Variants in ANO7 observed in about 807,000 individuals in gnomAD.
The protein encoded by ANO7 is anoctamin-7.
In ANO7, 114 loss-of-function variants were observed where a neutral mutation model predicts 115.8. That is an observed-to-expected ratio of 0.98 (90% CI 0.85 to 1.15). The LOEUF (loss-of-function observed/expected upper bound fraction) is 1.15. ANO7 is among the 50% of genes most tolerant of loss of function. The pLI, the probability that ANO7 is intolerant of heterozygous loss-of-function variation, is 0.00. For missense variants in ANO7, 1,302 were observed against 1,201.2 expected (o/e 1.08, Z -1.24); for synonymous variants, 550 against 498.2 (o/e 1.10, Z -1.38).
chr2:241,197,651 CTTTTTTTTTT>C (rs397869408), intron 4 of ANO7, among the ~76,000 whole-genome samples: 11 of 135,066 alleles, frequency 8.1e-5, no homozygotes, highest in Admixed American at 8.1e-4. Context: ...GTCACCTGCC[CTTTTTTTTTT>C]TTTTTTTTAG....
At chr2:241,219,568 C>T (rs4675821) in intron 21 of ANO7, among the ~76,000 whole-genome samples, 1,527 of 151,318 alleles carry the variant, frequency 0.01, 91 homozygotes, top group Admixed American at 0.085. Context: ...ACATTCTTTT[C>T]TTTTTTCTTT....
In ANO7 at chr2:241,199,491, C is replaced by T; in HGVS notation, c.417+68C>T. On this transcript the variant is annotated intron_variant, in intron 5 of 24. Coordinates refer to ENST00000674324, the MANE Select transcript of ANO7 (RefSeq NM_001370694.2). ...GTCCCCACACACTGCGTTCAGCTGC[C>T]AGTGCCGACAGCCTCAGGAGGGCTC... The T allele has an allele frequency of 5.3e-6, 8 of 1,509,698 alleles. No individual in the cohort carries two copies. The South Asian group carries it at 5.7e-5, about 11-fold the overall frequency. The allele number at this position is 1,509,698 out of a possible 1,614,324, so 93.5% of individuals were successfully genotyped here.
chr2:241,199,234 C>T, intron 4 of ANO7, 82 bp from the exon 5 acceptor site: 1 of 1,233,896 alleles, frequency 8.1e-7, no homozygotes, highest in Non-Finnish European at 1.2e-6. Context: ...CAGTCTTTTC[C>T]TAAGAGTGCG....
At chr2:241,212,243 C>A in intron 16 of ANO7, 38 bp downstream of exon 16, 1 of 1,543,138 alleles carries the variant, frequency 6.5e-7, no homozygotes, top group Non-Finnish European at 9.0e-7. Flanking sequence ...CAGCTTGTCC[C>A]GGCTTAGTTC....
downstream of ANO7, chr2:241,228,417 C>T (rs959035114): frequency 3.9e-5 from 6 of 152,388 alleles, no homozygotes; most frequent in Non-Finnish European, 7.3e-5. Context: ...GGCCCTAGAC[C>T]GTGAAAACTG....
At chr2:241,204,991 G>T (rs759603570) in intron 10 of ANO7, 36 bp downstream of exon 10, 1 of 1,591,136 alleles carries the variant, frequency 6.3e-7, no homozygotes, top group Non-Finnish European at 8.6e-7. Context: ...GGGGCCTGGT[G>T]CTGGGCCTCC....
chr2:241,204,830 T>C (rs767440895), intron 9 of ANO7, 35 bp from the exon 10 acceptor site: 1 of 1,583,398 alleles, frequency 6.3e-7, no homozygotes, highest in Non-Finnish European at 8.7e-7. Context: ...CAAGCCTGGG[T>C]TCCTGATGGT....
chr2:241,237,158 C>T, the ANO7 span, among the ~76,000 whole-genome samples: 9 of 152,346 alleles, frequency 5.9e-5, no homozygotes, highest in South Asian at 2.1e-4. Flanking sequence ...TGAGGCTTGA[C>T]TGTGAGGCAG....
At chr2:241,210,440 C>T in intron 14 of ANO7, 28 bp from the exon 15 acceptor site, 2 of 1,613,760 alleles carry the variant, frequency 1.2e-6, no homozygotes, top group Non-Finnish European at 1.7e-6. Flanking sequence ...GGCCCCTCAT[C>T]CGGCTCTGAC....
rs113676425 is a variant in ANO7 at position 241,203,265 on chromosome 2, T to A, written c.724-68T>A. On this transcript the variant is annotated intron_variant, in intron 8 of 24. Coordinates refer to ENST00000674324, the MANE Select transcript of ANO7 (RefSeq NM_001370694.2). The surrounding 1 kb of genome is among the most constrained non-coding windows in gnomAD (Gnocchi z 4.8). The stretch of plus-strand genomic sequence containing the variant: ...TGCCCATGTCCCACACTGAAGCCCC[T>A]GCACCTACAACAGTGCCCAGTGGGG... 1.5e-5 allele frequency: 19 copies of A among 1,263,880 alleles called. No homozygotes were observed. Among genetic ancestry groups the A allele is most frequent in the Admixed American group, 3.3e-5 (1 of 30,610 alleles). The allele number at this position is 1,263,880 out of a possible 1,614,324, so 78.3% of individuals were successfully genotyped here.
At chr2:241,221,856 T>C (rs780418126) in intron 21 of ANO7, among the ~76,000 whole-genome samples, 9 of 151,834 alleles carry the variant, frequency 5.9e-5, no homozygotes. Context: ...CTTTTATATT[T>C]TTAGTAGAGA....
intron 3 of ANO7, 23 bp downstream of exon 3, chr2:241,191,274 A>G: frequency 9.3e-6 from 15 of 1,612,972 alleles, no homozygotes; most frequent in Non-Finnish European, 1.2e-5. Flanking sequence ...CAGCACCTGT[A>G]CCACACCCGT....
the ANO7 span, among the ~76,000 whole-genome samples, chr2:241,234,150 C>T: frequency 3.9e-5 from 6 of 152,154 alleles, no homozygotes; most frequent in African/African-American, 1.4e-4. Context: ...TAATGAGAAC[C>T]AGGGAACTTG....
chr2:241,218,240 C>A lies in ANO7; in HGVS notation c.2180C>A (p.Ala727Asp). 1 of 1,504,174 alleles carries A rather than the reference C, an allele frequency of 6.6e-7. No individual in the cohort carries two copies. Among genetic ancestry groups the A allele is most frequent in the Non-Finnish European group, 8.8e-7 (1 of 1,132,734 alleles). The allele number at this position is 1,504,174 out of a possible 1,614,324, so 93.2% of individuals were successfully genotyped here. A position where few individuals can be genotyped will look rare whatever the true frequency, so the allele number is the denominator to read the frequency against. Residue 727 changes from alanine (A) to aspartate (D), a missense_variant and splice_region_variant, in exon 21 of 25, where the codon GCC becomes GAC. Ala to Asp is a moderately radical substitution (Grantham distance 126, BLOSUM62 -2). Coordinates refer to ENST00000674324, the MANE Select transcript of ANO7 (RefSeq NM_001370694.2). ...CGCGCTGACCCCTCCGGCGCCCAGG[C>A]CTTCCTCCTGGCCTTCTCGTCCGAC... Reference protein sequence around the residue: ...GLTHLAVISNAFLLAFSSDFL... With the variant: ...GLTHLAVISNDFLLAFSSDFL...
In ANO7 at chr2:241,223,179, G is replaced by C. The variant is rs2069067349; in HGVS notation, c.2322-7G>C. 1 of 1,613,818 alleles carries C rather than the reference G, an allele frequency of 6.2e-7. No homozygotes were observed. Among genetic ancestry groups the C allele is most frequent in the Non-Finnish European group, 8.5e-7 (1 of 1,179,754 alleles). On this transcript the variant is annotated splice_polypyrimidine_tract_variant and splice_region_variant and intron_variant, in intron 21 of 24. Transcript: ENST00000674324. Reference sequence around the variant, plus strand: ...GCTGCGCGCACTGAGTCCTGTGTCTGCTGCAGGTATCGGGCTTTCCGGGAT... The same window carrying C: ...GCTGCGCGCACTGAGTCCTGTGTCTCCTGCAGGTATCGGGCTTTCCGGGAT...
At chr2:241,216,338 C>A in intron 19 of ANO7, 100 bp downstream of exon 19, 36 of 1,347,810 alleles carry the variant, frequency 2.7e-5, no homozygotes, top group East Asian at 5.2e-5. Context: ...CCTGTGTCTG[C>A]ATCTGCCCTG....
the ANO7 span, chr2:241,235,513 G>A: frequency 1.2e-6 from 2 of 1,613,932 alleles, no homozygotes; most frequent in Non-Finnish European, 1.7e-6. Context: ...ATCATCTTGC[G>A]GATCCCACTT....
the ANO7 span, among the ~76,000 whole-genome samples, chr2:241,233,666 C>A: frequency 1.3e-5 from 2 of 152,150 alleles, no homozygotes; most frequent in African/African-American, 4.8e-5. This position sits in a 1 kb window ranked among gnomAD's most constrained non-coding sequence, Gnocchi z 4.3. Context: ...CGAGACACAG[C>A]CCAAACCTCA....
chr2:241,240,039 G>A, the ANO7 span: 43 of 1,614,058 alleles, frequency 2.7e-5, no homozygotes, highest in Admixed American at 3.3e-5. The surrounding 1 kb of genome is among the most constrained non-coding windows in gnomAD (Gnocchi z 5.5). Flanking sequence ...CGCGCACCTT[G>A]CGAATTTTGC....
Sources: allele counts gnomAD v4.1 joint callset (sites outside exome capture counted in the v4.1 genomes callset), GRCh38; gene constraint gnomAD v4.1.1; non-coding constraint Gnocchi (gnomAD v3.1); transcripts MANE v1.5; gene names NCBI Gene and HGNC (gene_info 2026-07-23, HGNC 2026-07-21).